PDSS2: variants seen among roughly 807,000 people sequenced by gnomAD.
The protein encoded by PDSS2 is all trans-polyprenyl-diphosphate synthase PDSS2.
Under a neutral mutation model 44.5 loss-of-function variants are expected in PDSS2, and 31 were observed. The ratio of observed to expected loss-of-function variants is 0.70; its 90% CI spans 0.52 to 0.94. PDSS2 has a LOEUF of 0.94. PDSS2 is among the 40% of genes least tolerant of loss of function. The pLI is 0.00. For synonymous variants in PDSS2, 157 were observed against 180.3 expected, an observed-to-expected ratio of 0.87 and a Z score of 1.03; for missense variants, 452 against 482.2, an observed-to-expected ratio of 0.94 and a Z score of 0.59.
At chr6:107,157,923 G>A (rs1471299677) in intron 7 of PDSS2, among the ~76,000 whole-genome samples, 4 of 151,516 alleles carry the variant, frequency 2.6e-5, no homozygotes, top group East Asian at 3.9e-4. Flanking sequence ...TGCCTGCCTC[G>A]GCCTCCCAAA....
chr6:107,172,837 A>G (rs1234099866), intron 7 of PDSS2, among the ~76,000 whole-genome samples: 3 of 150,214 alleles, frequency 2.0e-5, no homozygotes, highest in African/African-American at 4.9e-5. Context: ...CAGAAATAGG[A>G]TAGAGTGGCT....
chr6:107,162,610 A>ATTTTTTTTTTTTT lies in PDSS2; in HGVS notation c.1042-7846_1042-7834dup, dbSNP rs71012782. 8.2e-3 allele frequency among the ~76,000 whole-genome samples: 946 copies of ATTTTTTTTTTTTT among 115,468 alleles called. 97 individuals carry two copies. The highest frequency in any genetic ancestry group is 0.029 in the African/African-American group (821 of 28,592). The allele number at this position is 115,468 out of a possible 152,430, so 75.8% of individuals were successfully genotyped here. On this transcript the variant is annotated intron_variant, in intron 7 of 7. Coordinates refer to ENST00000369037, the MANE Select transcript of PDSS2 (RefSeq NM_020381.4). ...TTTTTATTTTGTCAAGAATTCCCTAATTTTTTTTTTTTTTTGAGATGGAGT... is the reference window on the plus strand; with the variant it reads ...TTTTTATTTTGTCAAGAATTCCCTAATTTTTTTTTTTTTTTTTTTTTTTTTTTTGAGATGGAGT...
chr6:107,423,702 T>C (rs750126777), intron 1 of PDSS2, among the ~76,000 whole-genome samples: 8 of 152,224 alleles, frequency 5.3e-5, no homozygotes, highest in South Asian at 2.1e-4. Flanking sequence ...ACTTACAATA[T>C]GCTGAAATCA....
intron 1 of PDSS2, among the ~76,000 whole-genome samples, chr6:107,393,277 A>G (rs1779842170): frequency 6.6e-6 from 1 of 152,102 alleles, no homozygotes; most frequent in Non-Finnish European, 1.5e-5. Context: ...TATTTAGAAG[A>G]CTATTGTTTA....
intron 7 of PDSS2, among the ~76,000 whole-genome samples, chr6:107,164,357 C>A (rs575413848): frequency 7.9e-5 from 12 of 152,266 alleles, no homozygotes; most frequent in African/African-American, 2.9e-4. Context: ...TGATGTTCCC[C>A]TTCCTGTGTC....
intron 1 of PDSS2, among the ~76,000 whole-genome samples, chr6:107,394,595 G>A (rs1779883511): frequency 6.6e-6 from 1 of 152,118 alleles, no homozygotes; most frequent in Non-Finnish European, 1.5e-5. Context: ...CAACACTGAG[G>A]ATTACAATTC....
At chr6:107,375,972 A>T (rs1779273531) in intron 1 of PDSS2, among the ~76,000 whole-genome samples, 1 of 152,150 alleles carries the variant, frequency 6.6e-6, no homozygotes, top group Non-Finnish European at 1.5e-5. Flanking sequence ...TTATGATAAA[A>T]GACAGTACAC....
intron 1 of PDSS2, among the ~76,000 whole-genome samples, chr6:107,381,003 T>G (rs1317270436): frequency 2.6e-5 from 4 of 152,252 alleles, no homozygotes; most frequent in Non-Finnish European, 4.4e-5. Flanking sequence ...TTTATTTTAG[T>G]GTGAAGGAAA....
chr6:107,404,265 TG>T (rs1395343910), intron 1 of PDSS2, among the ~76,000 whole-genome samples: 1 of 152,228 alleles, frequency 6.6e-6, no homozygotes, highest in Non-Finnish European at 1.5e-5. Context: ...ATCAGCATTT[TG>T]GTCAAAGCTA....
chr6:107,281,526 G>C (rs1775959136), intron 2 of PDSS2, among the ~76,000 whole-genome samples: 1 of 152,202 alleles, frequency 6.6e-6, no homozygotes, highest in Non-Finnish European at 1.5e-5. Context: ...ATCTCTCAGA[G>C]ACAGTCCTGT....
rs1775693643 is a variant in PDSS2, at chr6:107,274,132, C to T, written c.527G>A (p.Gly176Asp). ...VNLNELQSSD[G>D]PLKDMQFGNK... is the part of the protein sequence containing the mutation. ...TCCAAATTGCATGTCTTTCAGTGGA[C>T]CATCAGATGATTGCAACTCATTTAA... is the stretch of plus-strand genomic sequence containing the variant. The change falls in exon 3 of 8, where the codon GGT becomes GAT. Residue 176 changes from glycine (G) to aspartate (D), a missense_variant. Physicochemically the swap from Gly to Asp is moderately conservative, Grantham distance 94. Transcript: ENST00000369037. 7 of 1,613,402 alleles carry T rather than the reference C, an allele frequency of 4.3e-6. No homozygotes were observed. Among genetic ancestry groups the T allele is most frequent in the Non-Finnish European group, 5.9e-6 (7 of 1,179,314 alleles).
chr6:107,183,296 C>T (rs59384464), intron 7 of PDSS2, among the ~76,000 whole-genome samples: 45,392 of 151,114 alleles, frequency 0.3, 7,268 homozygotes, highest in East Asian at 0.53. Context: ...CTACTATAAA[C>T]GTCTTATCTA....
chr6:107,429,937 T>TATATATATAC (rs1316596170), intron 1 of PDSS2, among the ~76,000 whole-genome samples: 6 of 99,648 alleles, frequency 6.0e-5, no homozygotes, highest in East Asian at 6.3e-4. Context: ...TATATATATA[T>TATATATATAC]ACACCAAACC....
chr6:107,169,298 G>A (rs1157726977), intron 7 of PDSS2, among the ~76,000 whole-genome samples: 4 of 152,034 alleles, frequency 2.6e-5, no homozygotes, highest in Non-Finnish European at 5.9e-5. Flanking sequence ...CATTCGTCAC[G>A]TAGTTCTTGT....
At chr6:107,201,036 A>G (rs977993130) in intron 6 of PDSS2, among the ~76,000 whole-genome samples, 3 of 152,096 alleles carry the variant, frequency 2.0e-5, no homozygotes, top group Non-Finnish European at 4.4e-5. Context: ...AATGGAATCT[A>G]TATTTCAACA....
At chr6:107,287,642 C>T (rs1380689444) in intron 2 of PDSS2, among the ~76,000 whole-genome samples, 3 of 152,206 alleles carry the variant, frequency 2.0e-5, no homozygotes, top group Middle Eastern at 3.4e-3. Context: ...CTGCCTCAGC[C>T]TCCCAAGTAG....
At chr6:107,255,841 A>T (rs1775001756) in intron 3 of PDSS2, among the ~76,000 whole-genome samples, 1 of 152,094 alleles carries the variant, frequency 6.6e-6, no homozygotes, top group African/African-American at 2.4e-5. Context: ...TTTCTTTATC[A>T]CTTTTTACCA....
At chr6:107,280,063 C>G (rs1300879956) in intron 2 of PDSS2, among the ~76,000 whole-genome samples, 3 of 151,920 alleles carry the variant, frequency 2.0e-5, no homozygotes, top group Non-Finnish European at 4.4e-5. Context: ...ATTTCTCATG[C>G]TAACTCTTTT....
intron 2 of PDSS2, among the ~76,000 whole-genome samples, chr6:107,333,223 A>G (rs2115240097): frequency 6.6e-6 from 1 of 152,328 alleles, no homozygotes; most frequent in South Asian, 2.1e-4. Context: ...TTAATTTCAT[A>G]TGCCAAAGTC....
Sources: gnomAD v4.1 joint callset for allele counts (sites outside exome capture counted in the v4.1 genomes callset) on GRCh38, gnomAD v4.1.1 for gene constraint, MANE v1.5 for transcripts, NCBI Gene and HGNC (gene_info 2026-07-23, HGNC 2026-07-21) for gene names.